RAPGEF5: variants seen among roughly 807,000 people sequenced by gnomAD.
RAPGEF5 encodes the protein M-Ras-regulated GEF.
Under a neutral mutation model 125.2 loss-of-function variants are expected in RAPGEF5, and 65 were observed. The ratio of observed to expected loss-of-function variants is 0.52; its 90% CI spans 0.43 to 0.64. The LOEUF is 0.64. RAPGEF5 is among the 30% of genes least tolerant of loss of function. RAPGEF5 has a pLI of 0.00. For synonymous variants in RAPGEF5, 391 were observed against 385.9 expected (o/e 1.01, Z -0.16); for missense variants, 958 against 1,048.1 (o/e 0.91, Z 1.19).
At chr7:22,164,972 AGT>A (rs1359136953) in intron 12 of RAPGEF5, among the ~76,000 whole-genome samples, 7 of 152,210 alleles carry the variant, frequency 4.6e-5, no homozygotes, top group Non-Finnish European at 1.0e-4. Flanking sequence ...CGTTGGTTGT[AGT>A]GGAATATGTA....
At chr7:22,211,106 T>G (rs1243789424) in intron 9 of RAPGEF5, among the ~76,000 whole-genome samples, 1 of 142,794 alleles carries the variant, frequency 7.0e-6, no homozygotes, top group Non-Finnish European at 1.5e-5. Context: ...TTCAGCAATC[T>G]TCTATTTTTG....
chr7:22,208,826 A>G (rs989571975), intron 9 of RAPGEF5, among the ~76,000 whole-genome samples: 1 of 152,250 alleles, frequency 6.6e-6, no homozygotes, highest in African/African-American at 2.4e-5. Flanking sequence ...TTCTCCAAAG[A>G]TTCTAGGGAA....
At chr7:22,355,988 G>T in intron 1 of RAPGEF5, 1 of 985,384 alleles carries the variant, frequency 1.0e-6, no homozygotes, top group Non-Finnish European at 1.2e-6. Context: ...CAAAGGTGCC[G>T]CCAAACCCTG....
At chr7:22,352,320 C>T (rs934992124) in intron 1 of RAPGEF5, among the ~76,000 whole-genome samples, 13 of 150,466 alleles carry the variant, frequency 8.6e-5, no homozygotes, top group African/African-American at 3.2e-4. Flanking sequence ...TAAAAAGATA[C>T]AAAAAAGTAA....
Position 22,174,868 on chromosome 7 carries a change from T to C in RAPGEF5, c.1205-7720A>G, listed in dbSNP as rs572326456. 6.1e-3 allele frequency among the ~76,000 whole-genome samples: 931 copies of C among 152,298 alleles called. 10 individuals carry two copies. Among genetic ancestry groups the C allele is most frequent in the African/African-American group, 0.02 (823 of 41,556 alleles). ...GCTGAGCTTGGGTTCCCCAGGTTAC[T>C]CTAAGGAAAGCTATTAGGAAAAAAT... On this transcript the variant is annotated intron_variant, in intron 11 of 25. Transcript: ENST00000665637.
At chr7:22,214,758 C>G (rs1193397778) in intron 9 of RAPGEF5, among the ~76,000 whole-genome samples, 1 of 151,610 alleles carries the variant, frequency 6.6e-6, no homozygotes, top group Non-Finnish European at 1.5e-5. Context: ...AGTGCATGCC[C>G]TCTTTCGAAG....
rs1481237165 is a variant in RAPGEF5, at chr7:22,174,966, T to C, written c.1205-7818A>G. The stretch of plus-strand genomic sequence containing the variant: ...AGCCAGTACCTAAAGAGGATGGCTA[T>C]GGCCAACATGATTTCTCAGAAAAAT... On this transcript the variant is annotated intron_variant, in intron 11 of 25. Coordinates refer to ENST00000665637, the MANE Select transcript of RAPGEF5 (RefSeq NM_012294.5). Among the ~76,000 whole-genome samples, 6 of 152,296 alleles carry C rather than the reference T, an allele frequency of 3.9e-5. No homozygotes were observed. The East Asian group carries it at 1.2e-3, about 29-fold the overall frequency.
chr7:22,307,419 A>G (rs1422831399), intron 5 of RAPGEF5, among the ~76,000 whole-genome samples: 1 of 152,216 alleles, frequency 6.6e-6, no homozygotes, highest in African/African-American at 2.4e-5. Flanking sequence ...ACCGGGTATT[A>G]TGAGTGCTCA....
At chr7:22,208,119 AT>A (rs1202375045) in intron 9 of RAPGEF5, among the ~76,000 whole-genome samples, 1 of 152,084 alleles carries the variant, frequency 6.6e-6, no homozygotes, top group Non-Finnish European at 1.5e-5. Context: ...AAATGCCGGT[AT>A]CTTTGGGGCT....
At chr7:22,254,742 T>TCCCAAAACCAAATAA (rs1786713238) in intron 7 of RAPGEF5, among the ~76,000 whole-genome samples, 1 of 151,218 alleles carries the variant, frequency 6.6e-6, no homozygotes, top group Non-Finnish European at 1.5e-5. Flanking sequence ...GGAGATGGGA[T>TCCCAAAACCAAATAA]GGTTTTGGGA....
intron 7 of RAPGEF5, among the ~76,000 whole-genome samples, 161 bp from the exon 8 acceptor site, chr7:22,231,080 T>C (rs1351887115): frequency 2.0e-5 from 3 of 152,242 alleles, no homozygotes; most frequent in Non-Finnish European, 4.4e-5. Context: ...AGTTAGCTAA[T>C]AGCACTGGGT....
At chr7:22,330,577 C>A (rs1438701921) in intron 1 of RAPGEF5, among the ~76,000 whole-genome samples, 1 of 152,148 alleles carries the variant, frequency 6.6e-6, no homozygotes, top group East Asian at 1.9e-4. Context: ...GTCTTGTGGC[C>A]CATTTGCTAA....
At chr7:22,151,149 G>T (rs1344952288) in intron 17 of RAPGEF5, among the ~76,000 whole-genome samples, 1 of 152,102 alleles carries the variant, frequency 6.6e-6, no homozygotes, top group East Asian at 1.9e-4. Context: ...GGCATGATGT[G>T]TGCTAAGTAC....
At chr7:22,351,091 T>C (rs1784321276) in intron 1 of RAPGEF5, among the ~76,000 whole-genome samples, 1 of 152,242 alleles carries the variant, frequency 6.6e-6, no homozygotes, top group Non-Finnish European at 1.5e-5. Flanking sequence ...CAAGTGAGCA[T>C]GGCTGATTTT....
At chr7:22,308,223 G>T in intron 5 of RAPGEF5, 116 bp downstream of exon 5, 3 of 1,026,652 alleles carry the variant, frequency 2.9e-6, no homozygotes, top group Non-Finnish European at 2.7e-6. Context: ...GAAAAATGGG[G>T]ATAGTAACTC....
intron 9 of RAPGEF5, among the ~76,000 whole-genome samples, chr7:22,195,192 C>A (rs889408055): frequency 1.3e-5 from 2 of 152,090 alleles, no homozygotes; most frequent in African/African-American, 4.8e-5. Context: ...CCACCCCCAA[C>A]AGAGAAAAAA....
At chr7:22,169,517 T>C (rs1162184102) in intron 11 of RAPGEF5, among the ~76,000 whole-genome samples, 1 of 152,058 alleles carries the variant, frequency 6.6e-6, no homozygotes, top group Non-Finnish European at 1.5e-5. Flanking sequence ...CTGTGTTAAA[T>C]GTGGTTGATG....
chr7:22,216,546 T>C (rs968329815), intron 9 of RAPGEF5, among the ~76,000 whole-genome samples: 7 of 152,186 alleles, frequency 4.6e-5, no homozygotes, highest in African/African-American at 1.7e-4. Flanking sequence ...ACACGTCCCT[T>C]GCTCTGTTGG....
At chr7:22,271,557 T>G in intron 6 of RAPGEF5, among the ~76,000 whole-genome samples, 1 of 152,242 alleles carries the variant, frequency 6.6e-6, no homozygotes, top group African/African-American at 2.4e-5. Flanking sequence ...TTAAGAACCT[T>G]CAAGTTTAAT....
Sources: gnomAD v4.1 joint callset for allele counts (sites outside exome capture counted in the v4.1 genomes callset) on GRCh38, gnomAD v4.1.1 for gene constraint, MANE v1.5 for transcripts, NCBI Gene and HGNC (gene_info 2026-07-23, HGNC 2026-07-21) for gene names.